Variants in DLG4 observed in about 807,000 individuals in gnomAD.
DLG4 encodes discs large MAGUK scaffold protein 4, also known as disks large homolog 4.
A neutral mutation model predicts 93.8 loss-of-function variants in DLG4; 7 were observed. The ratio of observed to expected loss-of-function variants is 0.07; its 90% CI spans 0.04 to 0.14. The LOEUF (loss-of-function observed/expected upper bound fraction) is 0.14, where lower values mean the gene tolerates loss of function less well. Among genes scored for constraint, DLG4 ranks in the 10% least tolerant of loss-of-function variants. The pLI is 1.00. For missense variants in DLG4, 545 were observed against 992.9 expected, an observed-to-expected ratio of 0.55 and a Z score of 6.06; for synonymous variants, 341 against 387.6, an observed-to-expected ratio of 0.88 and a Z score of 1.41.
At position 7,188,172 on chromosome 17, in the gene DLG4, T is replaced by C. The variant is rs2069345312; in HGVS notation, c.*2536A>G. On this transcript the variant is annotated 3_prime_UTR_variant, in exon 20 of 20. Coordinates refer to ENST00000399506, the MANE Select transcript of DLG4 (RefSeq NM_001321075.3). ...CAGAAATGCAGACCCCTGGTCCCTATCCCCAGGATCCTGATGGACTCGGTC... is the reference window on the plus strand; with the variant it reads ...CAGAAATGCAGACCCCTGGTCCCTACCCCCAGGATCCTGATGGACTCGGTC... Among the ~76,000 whole-genome samples, 1 of 151,862 alleles carries C rather than the reference T, an allele frequency of 6.6e-6. No homozygotes were observed. Among genetic ancestry groups the C allele is most frequent in the African/African-American group, 2.4e-5 (1 of 41,322 alleles).
In DLG4 at chr17:7,193,390, C is replaced by A; in HGVS notation, c.1693+93G>T. ...CCCTGTATCTCCCTACACACCGATC[C>A]CCCAGGAGGCTCTGCCTATGGCCCC... is the stretch of plus-strand genomic sequence containing the variant. On this transcript the variant is annotated intron_variant, in intron 16 of 19. Coordinates refer to ENST00000399506, the MANE Select transcript of DLG4 (RefSeq NM_001321075.3). The surrounding 1 kb of genome is among the most constrained non-coding windows in gnomAD (Gnocchi z 6.7). The A allele has an allele frequency of 8.4e-7, 1 of 1,183,982 alleles. No individual in the cohort carries two copies. The allele number at this position is 1,183,982 out of a possible 1,614,324, so 73.3% of individuals were successfully genotyped here. A position where few individuals can be genotyped will look rare whatever the true frequency, so the allele number is the denominator to read the frequency against.
intron 2 of DLG4, chr17:7,205,288 G>A: frequency 3.4e-6 from 2 of 585,758 alleles, no homozygotes; most frequent in Non-Finnish European, 4.3e-6. Flanking sequence ...GGTCCCTGAC[G>A]TCAATCGCCT....
rs565541479 is a variant in DLG4 at position 7,195,256 on chromosome 17, A to G, written c.1302-761T>C. 6.6e-6 allele frequency among the ~76,000 whole-genome samples: 1 copy of G among 152,274 alleles called. No homozygotes were observed. Among genetic ancestry groups the G allele is most frequent in the East Asian group, 1.9e-4 (1 of 5,178 alleles). ...ACACAGAAGAAAGCAATGGGCCTGG[A>G]GAGGAGGGAGGAGACCCCGGGCCCC... On this transcript the variant is annotated intron_variant, in intron 11 of 19. Transcript: ENST00000399506. The surrounding 1 kb of genome is among the most constrained non-coding windows in gnomAD (Gnocchi z 4.3).
At position 7,196,666 on chromosome 17, in the gene DLG4, C is replaced by T. The variant is rs879205263; in HGVS notation, c.1083+91G>A. On this transcript the variant is annotated intron_variant, in intron 9 of 19. Coordinates refer to ENST00000399506, the MANE Select transcript of DLG4 (RefSeq NM_001321075.3). The surrounding 1 kb of genome is among the most constrained non-coding windows in gnomAD (Gnocchi z 8.3). The stretch of plus-strand genomic sequence containing the variant: ...CAGGGAGTGGTCCCGCAAGAGGACT[C>T]GGCTGCAGCCCATCCAGGCCCCTCC... 12 of 1,583,910 alleles carry T rather than the reference C, an allele frequency of 7.6e-6. No homozygotes were observed. In the South Asian group the frequency reaches 7.9e-5, roughly 10 times the overall value.
chr17:7,205,122 G>T, intron 2 of DLG4: 1 of 985,574 alleles, frequency 1.0e-6, no homozygotes, highest in Non-Finnish European at 1.2e-6. Context: ...AGCGCATCCT[G>T]AATAACCTGC....
chr17:7,199,021 CA>C (rs202201791), intron 8 of DLG4, among the ~76,000 whole-genome samples: 2 of 148,736 alleles, frequency 1.3e-5, no homozygotes, highest in Admixed American at 6.7e-5. Flanking sequence ...CTGCCTCCAA[CA>C]AAAAAAAAGC....
intron 8 of DLG4, among the ~76,000 whole-genome samples, chr17:7,201,653 G>A (rs374028856): frequency 2.4e-4 from 36 of 152,266 alleles, no homozygotes; most frequent in African/African-American, 4.6e-4. Context: ...GGCCGAGGAG[G>A]GCAGATCACC....
At chr17:7,199,820 A>G (rs539251595) in intron 8 of DLG4, among the ~76,000 whole-genome samples, 10 of 151,894 alleles carry the variant, frequency 6.6e-5, no homozygotes, top group Non-Finnish European at 1.5e-4. Context: ...CTACTAAAAT[A>G]TACAAAAAAA....
At chr17:7,212,890 G>A (rs1227100844) in intron 1 of DLG4, among the ~76,000 whole-genome samples, 6 of 152,036 alleles carry the variant, frequency 3.9e-5, no homozygotes, top group African/African-American at 7.2e-5. Flanking sequence ...AAAATTAGCC[G>A]GGCGCGGTGG....
rs768988507 is a variant in DLG4, at chr17:7,208,280, G to A, written c.31-41C>T. The A allele has an allele frequency of 2.3e-6, 3 of 1,309,016 alleles. No individual in the cohort carries two copies. In the East Asian group the frequency reaches 8.4e-5, roughly 37 times the overall value. The allele number at this position is 1,309,016 out of a possible 1,614,324, so 81.1% of individuals were successfully genotyped here. ...GAGGTGTCACTGGGGCCAGCCCGGT[G>A]CCTCAGGCTCCAGGCTGGCCGCCCT... is the stretch of plus-strand genomic sequence containing the variant. On this transcript the variant is annotated intron_variant, in intron 1 of 19. Transcript: ENST00000399506. This position sits in a 1 kb window ranked among gnomAD's most constrained non-coding sequence, Gnocchi z 5.4.
chr17:7,201,602 C>G (rs559746177), intron 8 of DLG4, among the ~76,000 whole-genome samples: 210 of 152,190 alleles, frequency 1.4e-3, no homozygotes, highest in Non-Finnish European at 2.0e-3. Flanking sequence ...TAACGGAGGC[C>G]GGGCGCGGTG....
chr17:7,202,223 C>T (rs2070175505), intron 8 of DLG4, among the ~76,000 whole-genome samples: 1 of 152,090 alleles, frequency 6.6e-6, no homozygotes, highest in South Asian at 2.1e-4. Context: ...AGTATAGGCA[C>T]GTGCTAATTT....
chr17:7,213,275 T>C (rs936742235), intron 1 of DLG4, among the ~76,000 whole-genome samples: 3 of 151,936 alleles, frequency 2.0e-5, no homozygotes, highest in Non-Finnish European at 4.4e-5. Context: ...TTTTTTTGTA[T>C]TTTTAGTAGA....
In DLG4 at chr17:7,194,371, C is replaced by A. The variant is rs765719802; in HGVS notation, c.1426G>T (p.Val476Phe). ...SDEEWWQARRVHSDSETDDIG... is the reference protein window; with the variant it reads ...SDEEWWQARRFHSDSETDDIG... ...TCGTCGGTCTCACTGTCAGAGTGGA[C>A]CCGCCGTGCCTGCCACCACTCCTCA... The change falls in exon 12 of 20, where the codon GTC becomes TTC. Residue 476 changes from valine to phenylalanine, a missense_variant. By Grantham distance (50) the Val-to-Phe change is conservative (BLOSUM62 -1). This residue lies in a region of DLG4 where 428 missense variants were observed against 741.4 expected (regional missense o/e 0.58). Transcript: ENST00000399506. This position sits in a 1 kb window ranked among gnomAD's most constrained non-coding sequence, Gnocchi z 4.4. 3 of 1,611,532 alleles carry A rather than the reference C, an allele frequency of 1.9e-6. No homozygotes were observed. Among genetic ancestry groups the A allele is most frequent in the Middle Eastern group, 1.7e-4 (1 of 6,056 alleles).
chr17:7,190,961 C>CTA, intron 19 of DLG4, 147 bp from the exon 20 acceptor site: 14 of 540,544 alleles, frequency 2.6e-5, no homozygotes, highest in Admixed American at 6.6e-5. Flanking sequence ...ACAGGGGCAC[C>CTA]TCTTTTTTTT....
upstream of DLG4, chr17:7,219,858 C>T (rs796568889): frequency 3.2e-6 from 5 of 1,539,088 alleles, no homozygotes; most frequent in African/African-American, 5.5e-5. Flanking sequence ...TGCCCCGGGG[C>T]CCGCAACCGT....
chr17:7,207,817 C>T (rs1274825698), intron 2 of DLG4, among the ~76,000 whole-genome samples: 5 of 152,132 alleles, frequency 3.3e-5, no homozygotes, highest in Non-Finnish European at 7.4e-5. Context: ...CAGGCACGCG[C>T]GCACACACAC....
At chr17:7,205,116 C>T in intron 2 of DLG4, 1 of 985,558 alleles carries the variant, frequency 1.0e-6, no homozygotes, top group Non-Finnish European at 1.2e-6. Flanking sequence ...GGGCGCAGCG[C>T]ATCCTGAATA....
rs2070962883 is a variant in DLG4, at chr17:7,217,263, G to C, written c.-116C>G. ...TCCGCACCCCACTTTTGCAGGGGGG[G>C]CCAGGATGGGGGGAGGGGTGAGAGG... On this transcript the variant is annotated 5_prime_UTR_variant, in exon 1 of 20. Transcript: ENST00000399506. 8.2e-7 allele frequency: 1 copy of C among 1,220,896 alleles called. No individual in the cohort carries two copies. The highest frequency in any genetic ancestry group is 1.6e-5 in the African/African-American group (1 of 62,866). 75.6% of individuals were successfully genotyped at this position (1,220,896 alleles called of 1,614,324 possible).
Sources: allele counts gnomAD v4.1 joint callset (sites outside exome capture counted in the v4.1 genomes callset), GRCh38; gene constraint gnomAD v4.1.1; regional missense constraint gnomAD v4.1.1; non-coding constraint Gnocchi (gnomAD v3.1); transcripts MANE v1.5; gene names NCBI Gene and HGNC (gene_info 2026-07-23, HGNC 2026-07-21).